The following MED12L variants were observed in gnomAD, a reference collection of about 807,000 sequenced individuals.
MED12L encodes mediator complex subunit 12L, also known as mediator of RNA polymerase II transcription subunit 12-like protein.
In MED12L, 60 loss-of-function variants were observed where a neutral mutation model predicts 281.3. The ratio of observed to expected loss-of-function variants is 0.21; its 90% confidence interval spans 0.17 to 0.26. The LOEUF (loss-of-function observed/expected upper bound fraction) is 0.26. Among genes scored for constraint, MED12L ranks in the 10% least tolerant of loss-of-function variants. The pLI is 1.00. For synonymous variants in MED12L, 974 were observed against 987.2 expected, an observed-to-expected ratio of 0.99 and a Z score of 0.25; for missense variants, 2,146 against 2,680.9, an observed-to-expected ratio of 0.80 and a Z score of 4.41.
intron 16 of MED12L, among the ~76,000 whole-genome samples, chr3:151,223,502 A>G (rs1010168464): frequency 6.6e-6 from 1 of 152,338 alleles, no homozygotes; most frequent in African/African-American, 2.4e-5. Context: ...GTGGAATACT[A>G]TGCAGCCATA....
intron 16 of MED12L, among the ~76,000 whole-genome samples, chr3:151,319,473 G>GTA (rs1748728256): frequency 1.6e-5 from 1 of 62,116 alleles, no homozygotes; most frequent in Non-Finnish European, 3.3e-5. Flanking sequence ...GTGTGCGTGT[G>GTA]TGTGTGTGTG....
intron 16 of MED12L, among the ~76,000 whole-genome samples, chr3:151,272,059 T>A (rs916430203): frequency 2.0e-5 from 3 of 152,130 alleles, no homozygotes; most frequent in African/African-American, 7.2e-5. Flanking sequence ...GCAATACAGA[T>A]GTTGAGCATA....
At position 151,243,510 on chromosome 3, in the gene MED12L, G is replaced by C. The variant is rs191726650; in HGVS notation, c.2250+49844G>C. ...TTCAACCTGGAATTTCATATCCAGC[G>C]AAACTAAGCTTCATAAGCGAAGGAG... On this transcript the variant is annotated intron_variant, in intron 16 of 44. Transcript: ENST00000687756. Among the ~76,000 whole-genome samples, 1,059 of 152,174 alleles carry C rather than the reference G, an allele frequency of 7.0e-3. 7 individuals carry two copies. The highest frequency in any genetic ancestry group is 0.016 in the South Asian group (75 of 4,812).
chr3:151,339,271 A>G (rs1751468528), intron 16 of MED12L, among the ~76,000 whole-genome samples: 1 of 151,980 alleles, frequency 6.6e-6, no homozygotes, highest in African/African-American at 2.4e-5. Context: ...TTTTCCCCCC[A>G]ACGTCCTTAT....
intron 44 of MED12L, among the ~76,000 whole-genome samples, chr3:151,432,031 A>T (rs1455262393): frequency 2.0e-5 from 3 of 152,228 alleles, no homozygotes; most frequent in African/African-American, 7.2e-5. Context: ...ATAAGCAGTT[A>T]TGCCACACTC....
At chr3:151,296,039 A>G (rs964535762) in intron 16 of MED12L, among the ~76,000 whole-genome samples, 1 of 152,198 alleles carries the variant, frequency 6.6e-6, no homozygotes, top group Admixed American at 6.5e-5. Flanking sequence ...GTGTTTTTGT[A>G]TAGTCTAATG....
chr3:151,160,332 G>A (rs1361369114), intron 8 of MED12L, among the ~76,000 whole-genome samples: 2 of 152,106 alleles, frequency 1.3e-5, no homozygotes, highest in Non-Finnish European at 2.9e-5. Context: ...CTTTATTAGG[G>A]TCATTAAGCA....
At chr3:151,210,652 C>T (rs1400973372) in intron 16 of MED12L, among the ~76,000 whole-genome samples, 3 of 152,208 alleles carry the variant, frequency 2.0e-5, no homozygotes, top group African/African-American at 4.8e-5. Flanking sequence ...TTTTGAATAT[C>T]TTTCTGTGAG....
chr3:151,428,452 G>A (rs974557147), intron 43 of MED12L, among the ~76,000 whole-genome samples: 2 of 152,190 alleles, frequency 1.3e-5, no homozygotes, highest in African/African-American at 4.8e-5. Flanking sequence ...GGAGGGAATA[G>A]TTCATTAGTT....
intron 16 of MED12L, among the ~76,000 whole-genome samples, chr3:151,245,229 A>G (rs1735147095): frequency 6.6e-6 from 1 of 152,214 alleles, no homozygotes; most frequent in South Asian, 2.1e-4. Flanking sequence ...AAACTACTCC[A>G]ATCAATAGAA....
intron 16 of MED12L, among the ~76,000 whole-genome samples, chr3:151,240,038 CTTT>C (rs11366541): frequency 6.8e-6 from 1 of 146,972 alleles, no homozygotes; most frequent in Admixed American, 6.7e-5. Context: ...TTTCTCCCAC[CTTT>C]TTTTTTTTTG....
At chr3:151,149,295 A>G (rs1408787413) in intron 5 of MED12L, among the ~76,000 whole-genome samples, 3 of 152,240 alleles carry the variant, frequency 2.0e-5, no homozygotes, top group Admixed American at 6.5e-5. Flanking sequence ...AGGTACAGAC[A>G]TTCTTCAGAG....
rs1720337830 is a variant in MED12L at position 151,163,886 on chromosome 3, T to C, written c.1108-7T>C. ...TGAACATCCAACTTTATCTGTTTCA[T>C]TTCCAGACTGTCACTCTCTGTTGCC... On this transcript the variant is annotated splice_region_variant and splice_polypyrimidine_tract_variant and intron_variant, in intron 8 of 44. Transcript: ENST00000687756. The C allele has an allele frequency of 6.2e-7, 1 of 1,610,998 alleles. No individual in the cohort carries two copies.
Position 151,385,043 on chromosome 3 carries a change from A to C in MED12L, c.4940A>C (p.Asp1647Ala). 4 of 1,537,582 alleles carry C rather than the reference A, an allele frequency of 2.6e-6. No individual in the cohort carries two copies. The highest frequency in any genetic ancestry group is 3.6e-6 in the Non-Finnish European group (4 of 1,111,798). Reference sequence around the variant, plus strand: ...TTTTTTCTTTAGAAAGAGCTAGGAGACAAGCGATCAGAAAGTATTGACAAA... The same window carrying C: ...TTTTTTCTTTAGAAAGAGCTAGGAGCCAAGCGATCAGAAAGTATTGACAAA... The part of the protein sequence containing the change: ...LVKKLKKELG[D>A]KRSESIDKVR... The change falls in exon 36 of 45, where the codon GAC becomes GCC. Residue 1647 changes from aspartate to alanine, a missense_variant. Coordinates refer to ENST00000687756, the MANE Select transcript of MED12L (RefSeq NM_001393769.1).
At chr3:151,207,665 C>T (rs181433875) in intron 16 of MED12L, among the ~76,000 whole-genome samples, 3 of 152,186 alleles carry the variant, frequency 2.0e-5, no homozygotes, top group African/African-American at 7.2e-5. Context: ...AATCTACCAA[C>T]ATTGGAGTTT....
At chr3:151,100,666 CAG>C (rs1157828048) in intron 2 of MED12L, among the ~76,000 whole-genome samples, 1 of 152,144 alleles carries the variant, frequency 6.6e-6, no homozygotes, top group African/African-American at 2.4e-5. Flanking sequence ...AGTATGGAGT[CAG>C]AGTTGTTTTT....
chr3:151,092,110 G>A lies in MED12L; in HGVS notation c.99+5085G>A, dbSNP rs62284802. On this transcript the variant is annotated intron_variant, in intron 2 of 44. Coordinates refer to ENST00000687756, the MANE Select transcript of MED12L (RefSeq NM_001393769.1). Reference sequence around the variant, plus strand: ...CCCCTTCCAACTTGCTGTGTGGTGGGACCACAGGCTGCCTCTCTCTTCTTC... The same window carrying A: ...CCCCTTCCAACTTGCTGTGTGGTGGAACCACAGGCTGCCTCTCTCTTCTTC... 2.7e-3 allele frequency among the ~76,000 whole-genome samples: 408 copies of A among 152,284 alleles called. 2 individuals carry two copies. The highest frequency in any genetic ancestry group is 5.1e-3 in the Non-Finnish European group (346 of 68,022).
chr3:151,165,642 G>A, intron 10 of MED12L, 123 bp downstream of exon 10: 2 of 963,848 alleles, frequency 2.1e-6, no homozygotes, highest in Admixed American at 2.3e-5. Flanking sequence ...GGTGAATTTT[G>A]AGGACAATCT....
intron 39 of MED12L, among the ~76,000 whole-genome samples, chr3:151,399,286 C>T (rs1715362092): frequency 6.6e-6 from 1 of 152,264 alleles, no homozygotes; most frequent in African/African-American, 2.4e-5. Context: ...TCATACTTAT[C>T]GTTGCTGCTT....
Sources: allele counts gnomAD v4.1 joint callset (sites outside exome capture counted in the v4.1 genomes callset), GRCh38; gene constraint gnomAD v4.1.1; transcripts MANE v1.5; gene names NCBI Gene and HGNC (gene_info 2026-07-23, HGNC 2026-07-21).